Variants in DSTYK observed in about 807,000 individuals in gnomAD.
DSTYK encodes the protein RIP-homologous kinase.
Under a neutral mutation model 98.7 loss-of-function variants are expected in DSTYK, and 34 were observed. The ratio of observed to expected loss-of-function variants is 0.34; its 90% CI spans 0.26 to 0.46. DSTYK has a LOEUF of 0.46. DSTYK is among the 20% of genes least tolerant of loss of function. The pLI, the probability that DSTYK is intolerant of heterozygous loss-of-function variation, is 1.00. For missense variants in DSTYK, 962 were observed against 1,181.7 expected (o/e 0.81, Z 2.73); for synonymous variants, 462 against 457.3 (o/e 1.01, Z -0.13).
chr1:205,171,030 G>GGA (rs1553363136), intron 2 of DSTYK, among the ~76,000 whole-genome samples: 2 of 143,684 alleles, frequency 1.4e-5, no homozygotes, highest in Admixed American at 6.9e-5. Flanking sequence ...TTCATGTAAG[G>GGA]AAAAAAAAAA....
chr1:205,165,291 A>G (rs574496537), intron 3 of DSTYK, among the ~76,000 whole-genome samples: 4 of 152,182 alleles, frequency 2.6e-5, no homozygotes, highest in African/African-American at 9.6e-5. Flanking sequence ...GGGTTTCACC[A>G]TGTTGGCCAG....
In DSTYK at chr1:205,163,813, T is replaced by C; in HGVS notation, c.1467A>G (p.Glu489=). The change falls in exon 4 of 13, where the codon GAA becomes GAG. Residue 489 remains glutamate, a synonymous_variant. Transcript: ENST00000367162. ...KLISSVDYLR[E]SFVGTLERCL... ...ATCGTTCCAGGGTTCCGACGAAGCT[T>C]TCCCTCAGGTAATCCACTGAGCTGA... 1 of 1,614,168 alleles carries C rather than the reference T, an allele frequency of 6.2e-7. No homozygotes were observed.
Position 205,169,668 on chromosome 1 carries a change from G to A in DSTYK, c.819C>T (p.Ser273=), listed in dbSNP as rs1574766898. The A allele has an allele frequency of 6.2e-7, 1 of 1,614,204 alleles. No homozygotes were observed. Among genetic ancestry groups the A allele is most frequent in the Non-Finnish European group, 8.5e-7 (1 of 1,180,030 alleles). ...GCACTTTGAAAAAGAATACAGGAAA[G>A]GAGAAATACTTTCGGATTTCCTGAA... ...QELQEIRKYF[S]FPVFFFKVPK... is the part of the protein sequence containing the mutation. The change falls in exon 3 of 13, where the codon TCC becomes TCT. Residue 273 remains serine, a synonymous_variant. Transcript: ENST00000367162. This position sits in a 1 kb window ranked among gnomAD's most constrained non-coding sequence, Gnocchi z 4.0.
chr1:205,184,327 C>T (rs564898282), intron 2 of DSTYK, among the ~76,000 whole-genome samples: 7 of 151,630 alleles, frequency 4.6e-5, no homozygotes, highest in African/African-American at 1.5e-4. Context: ...AATCCCAGCA[C>T]TTTGGGAGGG....
At chr1:205,159,721 C>T (rs1337989759) in intron 8 of DSTYK, 42 bp from the exon 9 acceptor site, 2 of 1,610,556 alleles carry the variant, frequency 1.2e-6, no homozygotes, top group African/African-American at 1.3e-5. Context: ...GGCTTGGGCT[C>T]TAATCCTGCA....
intron 2 of DSTYK, among the ~76,000 whole-genome samples, chr1:205,183,804 T>C (rs6682229): frequency 0.49 from 74,936 of 151,992 alleles, 21,326 homozygotes; most frequent in Non-Finnish European, 0.63. Flanking sequence ...AGACAGGAGC[T>C]GGGCTGCAGT....
chr1:205,209,654 G>GGC (rs1659312603), intron 1 of DSTYK, among the ~76,000 whole-genome samples: 3 of 45,320 alleles, frequency 6.6e-5, no homozygotes, highest in East Asian at 9.8e-4. Context: ...GAAACTACTA[G>GGC]TTTTTCTGAT....
At chr1:205,174,297 G>C (rs897272364) in intron 2 of DSTYK, among the ~76,000 whole-genome samples, 1 of 151,792 alleles carries the variant, frequency 6.6e-6, no homozygotes, top group Non-Finnish European at 1.5e-5. Flanking sequence ...GGTGGATCAC[G>C]AAGTCAGGAG....
At chr1:205,203,576 G>A (rs1370429008) in intron 1 of DSTYK, among the ~76,000 whole-genome samples, 1 of 86,946 alleles carries the variant, frequency 1.2e-5, no homozygotes, top group South Asian at 6.1e-4. Context: ...GAGGGGAGGG[G>A]AGGGGAGGGG....
intron 10 of DSTYK, 97 bp downstream of exon 10, chr1:205,157,176 G>C (rs1386694092): frequency 2.1e-6 from 2 of 970,666 alleles, no homozygotes; most frequent in African/African-American, 3.2e-5. Context: ...TTTCTGTGAG[G>C]ACTTTTCTTA....
Position 205,147,762 on chromosome 1 carries a change from G to A in DSTYK, c.2603-17C>T, listed in dbSNP as rs1241664631. The A allele has an allele frequency of 1.2e-6, 2 of 1,609,198 alleles. No individual in the cohort carries two copies. The highest frequency in any genetic ancestry group is 1.7e-5 in the Admixed American group (1 of 59,904). On this transcript the variant is annotated splice_polypyrimidine_tract_variant and intron_variant, in intron 12 of 12. Transcript: ENST00000367162. ...GGCGAGCCCCTAGAGAAAGGAGCAT[G>A]GAAACAAGATCACAGTGAGAGGGAC...
chr1:205,197,278 G>A (rs1020012071), intron 1 of DSTYK, among the ~76,000 whole-genome samples: 1 of 152,062 alleles, frequency 6.6e-6, no homozygotes, highest in African/African-American at 2.4e-5. Flanking sequence ...TCCTTGTTTG[G>A]GAGGAATGCA....
chr1:205,187,525 T>C lies in DSTYK; in HGVS notation c.547A>G (p.Asn183Asp). ...LVHTLVAHQG[N>D]WETIPEEDLE... ...TCCTCCTCAGGGATGGTCTCCCAGT[T>C]GCCCTGATGAGCAACCAGCGTGTGC... is the stretch of plus-strand genomic sequence containing the variant. The change falls in exon 2 of 13, where the codon AAC becomes GAC. Residue 183 changes from asparagine to aspartate, a missense_variant. Around this residue, in one of 4 missense-constraint regions of DSTYK, gnomAD observed 660 missense variants for 855.0 expected, o/e 0.77. Transcript: ENST00000367162. The C allele has an allele frequency of 6.2e-7, 1 of 1,614,192 alleles. No individual in the cohort carries two copies. Among genetic ancestry groups the C allele is most frequent in the African/African-American group, 1.3e-5 (1 of 75,052 alleles).
At chr1:205,149,392 C>T (rs1657338885) in intron 11 of DSTYK, among the ~76,000 whole-genome samples, 1 of 152,232 alleles carries the variant, frequency 6.6e-6, no homozygotes, top group South Asian at 2.1e-4. Flanking sequence ...TTAACTCTTA[C>T]CAATACTAAT....
Position 205,189,231 on chromosome 1 carries a change from A to G in DSTYK, c.266-1425T>C, listed in dbSNP as rs910006824. Among the ~76,000 whole-genome samples the G allele has an allele frequency of 2.2e-4, 34 of 152,366 alleles. 1 individual carries two copies. Among genetic ancestry groups the G allele is most frequent in the African/African-American group, 7.7e-4 (32 of 41,594 alleles). On this transcript the variant is annotated intron_variant, in intron 1 of 12. Coordinates refer to ENST00000367162, the MANE Select transcript of DSTYK (RefSeq NM_015375.3). ...GGATAACTTCCCCAAACACGTTCAAATAATGTTCAAGACAGAACAAGCTTC... is the reference window on the plus strand; with the variant it reads ...GGATAACTTCCCCAAACACGTTCAAGTAATGTTCAAGACAGAACAAGCTTC...
At chr1:205,208,876 T>G (rs1347490781) in intron 1 of DSTYK, among the ~76,000 whole-genome samples, 3 of 152,130 alleles carry the variant, frequency 2.0e-5, no homozygotes, top group East Asian at 1.9e-4. Context: ...AATATACATA[T>G]TAAGTGTCCC....
chr1:205,152,417 T>A (rs1477404350), intron 10 of DSTYK, among the ~76,000 whole-genome samples: 2 of 152,216 alleles, frequency 1.3e-5, no homozygotes, highest in Non-Finnish European at 2.9e-5. Flanking sequence ...CCTCAGGTGA[T>A]CAACCTGCCT....
At chr1:205,181,495 C>A (rs2102437567) in intron 2 of DSTYK, among the ~76,000 whole-genome samples, 1 of 152,150 alleles carries the variant, frequency 6.6e-6, no homozygotes, top group South Asian at 2.1e-4. Context: ...GCTGGGGTTA[C>A]AGGTGCCTGC....
chr1:205,209,883 T>TTTATTATTATTATTATTA (rs1424802830), intron 1 of DSTYK, among the ~76,000 whole-genome samples: 5 of 149,066 alleles, frequency 3.4e-5, no homozygotes, highest in African/African-American at 1.3e-4. Context: ...CCCAGTGTCT[T>TTTATTATTATTATTATTA]TTATTATTAC....
Sources: allele counts gnomAD v4.1 joint callset (sites outside exome capture counted in the v4.1 genomes callset), GRCh38; gene constraint gnomAD v4.1.1; regional missense constraint gnomAD v4.1.1; non-coding constraint Gnocchi (gnomAD v3.1); transcripts MANE v1.5; gene names NCBI Gene and HGNC (gene_info 2026-07-23, HGNC 2026-07-21).